Variants in MYO3B observed in about 807,000 individuals in gnomAD.
MYO3B encodes myosin IIIB, also known as myosin-IIIb.
Under a neutral mutation model 174.6 loss-of-function variants are expected in MYO3B, and 156 were observed. That is an observed-to-expected ratio of 0.89 (90% CI 0.78 to 1.02). The LOEUF is 1.02. Ranked by LOEUF, MYO3B falls within the 50% of genes least tolerant of loss-of-function variation. MYO3B has a pLI of 0.00. For missense variants in MYO3B, 1,632 were observed against 1,639.4 expected (o/e 1.00, Z 0.08); for synonymous variants, 563 against 569.1 (o/e 0.99, Z 0.15).
At chr2:170,292,209 G>A (rs944000146) in intron 7 of MYO3B, among the ~76,000 whole-genome samples, 3 of 152,004 alleles carry the variant, frequency 2.0e-5, no homozygotes, top group Non-Finnish European at 4.4e-5. Flanking sequence ...CTGCTATTGA[G>A]AGTCTCTAAT....
intron 32 of MYO3B, among the ~76,000 whole-genome samples, chr2:170,603,610 A>T (rs930051543): frequency 2.6e-5 from 4 of 152,118 alleles, no homozygotes; most frequent in African/African-American, 7.2e-5. Flanking sequence ...TCCCAATCCA[A>T]CAGTCTTTGG....
At chr2:170,254,599 G>T (rs1394410091) in intron 7 of MYO3B, among the ~76,000 whole-genome samples, 1 of 152,188 alleles carries the variant, frequency 6.6e-6, no homozygotes, top group East Asian at 1.9e-4. Flanking sequence ...AGCACAGCTG[G>T]TGCTTGACCC....
intron 7 of MYO3B, among the ~76,000 whole-genome samples, chr2:170,255,721 A>G (rs781322776): frequency 1.3e-5 from 2 of 152,228 alleles, no homozygotes; most frequent in Non-Finnish European, 2.9e-5. Context: ...TCAGCCAAAG[A>G]GCTCCGGCAA....
chr2:170,471,945 C>T (rs12994594), intron 25 of MYO3B, among the ~76,000 whole-genome samples: 5 of 150,910 alleles, frequency 3.3e-5, no homozygotes, highest in Admixed American at 3.3e-4. Context: ...GAGCCGAGAT[C>T]GCGCCATTGC....
In MYO3B at chr2:170,271,006, G is replaced by A. The variant is rs1029694411; in HGVS notation, c.749+34870G>A. ...AAGCATATCCACATTTATTATCTAA[G>A]TTAATTCTCAGACCTTGAAAGGCAG... On this transcript the variant is annotated intron_variant, in intron 7 of 34. Coordinates refer to ENST00000408978, the MANE Select transcript of MYO3B (RefSeq NM_138995.5). Among the ~76,000 whole-genome samples the A allele has an allele frequency of 7.2e-5, 11 of 152,290 alleles. No individual in the cohort carries two copies. In the East Asian group the frequency reaches 9.6e-4, roughly 13 times the overall value.
intron 25 of MYO3B, among the ~76,000 whole-genome samples, chr2:170,495,205 C>T (rs561876563): frequency 3.9e-5 from 6 of 152,270 alleles, no homozygotes; most frequent in African/African-American, 1.4e-4. Context: ...TGGATCTTTC[C>T]AGAAAACTCT....
chr2:170,337,547 G>C lies in MYO3B; in HGVS notation c.815+2097G>C, dbSNP rs189246694. 4.5e-3 allele frequency among the ~76,000 whole-genome samples: 685 copies of C among 152,192 alleles called. 5 individuals are homozygous for C. Among genetic ancestry groups the C allele is most frequent in the South Asian group, 0.014 (66 of 4,824 alleles). On this transcript the variant is annotated intron_variant, in intron 8 of 34. Coordinates refer to ENST00000408978, the MANE Select transcript of MYO3B (RefSeq NM_138995.5). ...TTCCTTGGATGGATTTGAGAATAAA[G>C]GTATATAATTGATGACAGAGATTGG... is the stretch of plus-strand genomic sequence containing the variant.
rs758574438 is a variant in MYO3B, at chr2:170,498,588, G to A, written c.3015-4G>A. On this transcript the variant is annotated splice_region_variant and splice_polypyrimidine_tract_variant and intron_variant, in intron 25 of 34. Coordinates refer to ENST00000408978, the MANE Select transcript of MYO3B (RefSeq NM_138995.5). ...AGGCTTCACTTAATTCTTTTATTTT[G>A]CAGGTATTATTACTTGGCATTCACA... 2 of 1,602,114 alleles carry A rather than the reference G, an allele frequency of 1.2e-6. No homozygotes were observed. The highest frequency in any genetic ancestry group is 4.5e-5 in the East Asian group (2 of 44,774).
chr2:170,631,422 G>A (rs145543365), intron 32 of MYO3B, among the ~76,000 whole-genome samples: 18,696 of 151,194 alleles, frequency 0.12, 1,321 homozygotes, highest in East Asian at 0.3. Flanking sequence ...ATCTACATCT[G>A]ATTGGTGTAC....
chr2:170,203,804 G>C (rs1429934516), intron 3 of MYO3B, among the ~76,000 whole-genome samples: 4 of 152,200 alleles, frequency 2.6e-5, no homozygotes. Flanking sequence ...GTGGGTTCTA[G>C]AGTGAGAGAC....
intron 28 of MYO3B, 72 bp from the exon 29 acceptor site, chr2:170,514,849 A>G: frequency 1.5e-6 from 2 of 1,352,122 alleles, no homozygotes; most frequent in Middle Eastern, 1.8e-4. Flanking sequence ...GCCAACTTGT[A>G]TCACCCAGTT....
In MYO3B at chr2:170,507,313, C is replaced by T. The variant is rs571999735; in HGVS notation, c.3370+5448C>T. 2.0e-5 allele frequency among the ~76,000 whole-genome samples: 3 copies of T among 152,266 alleles called. No individual in the cohort carries two copies. The East Asian group carries it at 5.8e-4, about 29-fold the overall frequency. On this transcript the variant is annotated intron_variant, in intron 28 of 34. Transcript: ENST00000408978. ...AGACAGGATGCCCTTCAGTCCTAGG[C>T]GAGGGGTCCTGCTCACTTCACTCTC...
chr2:170,347,871 A>T (rs2094029213), intron 8 of MYO3B: 1 of 152,250 alleles, frequency 6.6e-6, no homozygotes, highest in Admixed American at 6.5e-5. Context: ...TGCCACAAAC[A>T]AACCCCACAT....
chr2:170,421,020 T>C (rs1222377942), intron 22 of MYO3B, among the ~76,000 whole-genome samples: 1 of 152,078 alleles, frequency 6.6e-6, no homozygotes, highest in Non-Finnish European at 1.5e-5. Context: ...AGGACAGGGA[T>C]TTTTGTCCAT....
intron 32 of MYO3B, among the ~76,000 whole-genome samples, chr2:170,578,035 A>C (rs1055259028): frequency 2.0e-5 from 3 of 152,172 alleles, no homozygotes; most frequent in Non-Finnish European, 4.4e-5. Flanking sequence ...AATATTTTGG[A>C]AATTGATTTA....
intron 22 of MYO3B, among the ~76,000 whole-genome samples, chr2:170,439,289 G>A (rs917826849): frequency 2.0e-5 from 3 of 151,594 alleles, no homozygotes; most frequent in African/African-American, 2.4e-5. Context: ...GGAGAATGGC[G>A]TGAACCCAGG....
intron 32 of MYO3B, among the ~76,000 whole-genome samples, chr2:170,583,142 A>G (rs984432712): frequency 8.3e-6 from 1 of 121,198 alleles, no homozygotes; most frequent in African/African-American, 3.1e-5. Context: ...GAGTGTATTT[A>G]TGTGTGTAAC....
At chr2:170,357,069 G>A (rs1439658944) in intron 8 of MYO3B, among the ~76,000 whole-genome samples, 1 of 152,178 alleles carries the variant, frequency 6.6e-6, no homozygotes, top group Non-Finnish European at 1.5e-5. Flanking sequence ...AGACAGGTGT[G>A]AGACACTGGG....
chr2:170,491,175 T>G (rs2106045540), intron 25 of MYO3B, among the ~76,000 whole-genome samples: 1 of 152,326 alleles, frequency 6.6e-6, no homozygotes, highest in South Asian at 2.1e-4. Context: ...TCTTTCCTGA[T>G]AAGTTTTTAA....
Sources: gnomAD v4.1 joint callset for allele counts (sites outside exome capture counted in the v4.1 genomes callset) on GRCh38, gnomAD v4.1.1 for gene constraint, MANE v1.5 for transcripts, NCBI Gene and HGNC (gene_info 2026-07-23, HGNC 2026-07-21) for gene names.